DCDC2: variants seen among roughly 807,000 people sequenced by gnomAD.
DCDC2 encodes the protein doublecortin domain containing 2.
In DCDC2, 40 loss-of-function variants were observed where a neutral mutation model predicts 50.2. That is an observed-to-expected ratio of 0.80 (90% CI 0.62 to 1.04). The LOEUF (loss-of-function observed/expected upper bound fraction) is 1.04. DCDC2 is among the 50% of genes least tolerant of loss of function. The pLI, the probability that DCDC2 is intolerant of heterozygous loss-of-function variation, is 0.00. For synonymous variants in DCDC2, 234 were observed against 210.6 expected (o/e 1.11, Z -0.96); for missense variants, 570 against 581.9 (o/e 0.98, Z 0.21).
At chr6:24,314,807 C>A (rs1435635565) in intron 2 of DCDC2, among the ~76,000 whole-genome samples, 1 of 151,856 alleles carries the variant, frequency 6.6e-6, no homozygotes, top group Non-Finnish European at 1.5e-5. Context: ...AGATCAGAAA[C>A]CCTTCCTAAC....
chr6:24,278,391 G>C (rs1763406318), intron 6 of DCDC2, among the ~76,000 whole-genome samples, 180 bp from the exon 7 acceptor site: 1 of 152,136 alleles, frequency 6.6e-6, no homozygotes, highest in Non-Finnish European at 1.5e-5. Flanking sequence ...AGGCAAAAGG[G>C]TCTAGGAGAG....
chr6:24,219,837 G>A (rs1015071065), intron 7 of DCDC2, among the ~76,000 whole-genome samples: 10 of 152,188 alleles, frequency 6.6e-5, no homozygotes, highest in African/African-American at 2.2e-4. Context: ...CCAAGCAAGC[G>A]TGTTAGGTCA....
At chr6:24,338,824 T>C (rs1288826916) in intron 2 of DCDC2, among the ~76,000 whole-genome samples, 2 of 152,082 alleles carry the variant, frequency 1.3e-5, no homozygotes, top group Non-Finnish European at 2.9e-5. Flanking sequence ...TTTTGTATTT[T>C]TAGTAGAGGG....
intron 7 of DCDC2, among the ~76,000 whole-genome samples, chr6:24,275,129 C>T (rs1275392332): frequency 6.6e-6 from 1 of 152,138 alleles, no homozygotes. Flanking sequence ...TAAGAGCCCT[C>T]TTGAAACATG....
At chr6:24,334,564 T>A (rs1227820185) in intron 2 of DCDC2, among the ~76,000 whole-genome samples, 1 of 152,196 alleles carries the variant, frequency 6.6e-6, no homozygotes, top group African/African-American at 2.4e-5. Flanking sequence ...CTATATGGCC[T>A]GCAAAGCCTA....
intron 2 of DCDC2, among the ~76,000 whole-genome samples, chr6:24,340,033 T>C (rs1178361157): frequency 6.6e-6 from 1 of 152,136 alleles, no homozygotes; most frequent in African/African-American, 2.4e-5. Context: ...TAAGTAAAAA[T>C]GCTGAAAATT....
chr6:24,352,081 G>A (rs1265962169), intron 2 of DCDC2, among the ~76,000 whole-genome samples: 1 of 152,150 alleles, frequency 6.6e-6, no homozygotes, highest in Non-Finnish European at 1.5e-5. Flanking sequence ...TCCAGCCTGG[G>A]TGACAGAAGG....
At chr6:24,359,001 ATT>A (rs1561788743), upstream of DCDC2, among the ~76,000 whole-genome samples, 37 of 57,540 alleles carry the variant, frequency 6.4e-4, no homozygotes, top group African/African-American at 2.4e-3. Flanking sequence ...TATATTATAT[ATT>A]TTATATATTA....
At chr6:24,283,368 C>T (rs1763519023) in intron 6 of DCDC2, among the ~76,000 whole-genome samples, 1 of 123,980 alleles carries the variant, frequency 8.1e-6, no homozygotes, top group African/African-American at 2.9e-5. Flanking sequence ...AGGCATTCCC[C>T]AGGCTCCCTG....
intron 8 of DCDC2, among the ~76,000 whole-genome samples, chr6:24,179,547 CAAAAAAAAAA>C (rs56731018): frequency 1.4e-4 from 7 of 49,574 alleles, no homozygotes; most frequent in East Asian, 1.5e-3. Flanking sequence ...GACACCATCT[CAAAAAAAAAA>C]AAAAAAAAAA....
At chr6:24,363,989 A>G in the DCDC2 span, among the ~76,000 whole-genome samples, 1 of 152,120 alleles carries the variant, frequency 6.6e-6, no homozygotes, top group African/African-American at 2.4e-5. Context: ...TTTAGTTTCC[A>G]TCTCTTCTCA....
intron 2 of DCDC2, among the ~76,000 whole-genome samples, chr6:24,316,151 T>G (rs1759656162): frequency 6.6e-6 from 1 of 152,064 alleles, no homozygotes; most frequent in Non-Finnish European, 1.5e-5. Flanking sequence ...GACCTCCAGA[T>G]AGAGGTGCCA....
chr6:24,194,946 A>T (rs764244603), intron 8 of DCDC2, among the ~76,000 whole-genome samples: 5 of 152,300 alleles, frequency 3.3e-5, no homozygotes, highest in African/African-American at 9.6e-5. Flanking sequence ...CAGGTCCATC[A>T]TCATTAATTT....
intron 7 of DCDC2, among the ~76,000 whole-genome samples, chr6:24,259,557 C>T (rs1256866014): frequency 6.6e-6 from 1 of 152,162 alleles, no homozygotes; most frequent in Non-Finnish European, 1.5e-5. Flanking sequence ...AATTTCTGAA[C>T]AATCTCTCCC....
At chr6:24,372,414 G>T in the DCDC2 span, among the ~76,000 whole-genome samples, 1 of 149,880 alleles carries the variant, frequency 6.7e-6, no homozygotes, top group South Asian at 2.1e-4. Flanking sequence ...GCAAGTCTCC[G>T]TCTCAAAAAA....
At chr6:24,370,763 T>C in the DCDC2 span, among the ~76,000 whole-genome samples, 9 of 152,154 alleles carry the variant, frequency 5.9e-5, no homozygotes, top group African/African-American at 2.2e-4. Flanking sequence ...GTGTATAACA[T>C]GTTAAAAAAC....
At chr6:24,313,837 A>G (rs7763196) in intron 2 of DCDC2, among the ~76,000 whole-genome samples, 18,420 of 152,272 alleles carry the variant, frequency 0.12, 1,564 homozygotes, top group African/African-American at 0.24. Context: ...TGCTGGCTTT[A>G]TGATCTCTTC....
At chr6:24,186,280 G>A (rs1761201124) in intron 8 of DCDC2, among the ~76,000 whole-genome samples, 1 of 152,190 alleles carries the variant, frequency 6.6e-6, no homozygotes, top group African/African-American at 2.4e-5. Context: ...AAACATTTAG[G>A]TAGCATATTG....
intron 8 of DCDC2, among the ~76,000 whole-genome samples, chr6:24,184,403 GT>G (rs1303413852): frequency 6.6e-6 from 1 of 151,826 alleles, no homozygotes; most frequent in Non-Finnish European, 1.5e-5. Context: ...ATGAAACCCC[GT>G]CTCTACTAAA....
Sources: allele counts gnomAD v4.1 joint callset (sites outside exome capture counted in the v4.1 genomes callset), GRCh38; gene constraint gnomAD v4.1.1; transcripts MANE v1.5; gene names NCBI Gene and HGNC (gene_info 2026-07-23, HGNC 2026-07-21).